Variants in COL5A2 observed in about 807,000 individuals in gnomAD.
COL5A2 encodes collagen type V alpha 2 chain.
In COL5A2, 23 loss-of-function variants were observed where a neutral mutation model predicts 208.2. That is an observed-to-expected ratio of 0.11 (90% confidence interval 0.08 to 0.16). The LOEUF is 0.16. Among genes scored for constraint, COL5A2 ranks in the 10% least tolerant of loss-of-function variants. The pLI, the probability that COL5A2 is intolerant of heterozygous loss-of-function variation, is 1.00. For synonymous variants in COL5A2, 625 were observed against 628.5 expected (o/e 0.99, Z 0.08); for missense variants, 1,590 against 1,956.4 (o/e 0.81, Z 3.53).
chr2:189,354,453 C>T, the COL5A2 span, among the ~76,000 whole-genome samples: 1 of 152,132 alleles, frequency 6.6e-6, no homozygotes, highest in Non-Finnish European at 1.5e-5. Context: ...GCCTCAATTT[C>T]AGAACTTGTT....
In COL5A2 at chr2:189,066,551, T is replaced by C; in HGVS notation, c.1456-54A>G. The stretch of plus-strand genomic sequence containing the variant: ...AAAGACCCATCCAACCAGTGAATTA[T>C]AGTTGGAAGCCTAATTTAACGAAGT... On this transcript the variant is annotated intron_variant, in intron 22 of 53. Coordinates refer to ENST00000374866, the MANE Select transcript of COL5A2 (RefSeq NM_000393.5). 9 of 1,564,810 alleles carry C rather than the reference T, an allele frequency of 5.8e-6. No individual in the cohort carries two copies. The South Asian group carries it at 7.8e-5, about 14-fold the overall frequency.
intron 1 of COL5A2, among the ~76,000 whole-genome samples, chr2:189,167,601 C>T (rs1688490792): frequency 6.6e-6 from 1 of 151,200 alleles, no homozygotes; most frequent in South Asian, 2.1e-4. Context: ...AAAAAACTTG[C>T]CTAATCTCAT....
At chr2:189,392,083 G>A in the COL5A2 span, among the ~76,000 whole-genome samples, 1 of 152,010 alleles carries the variant, frequency 6.6e-6, no homozygotes, top group Non-Finnish European at 1.5e-5. Flanking sequence ...AACAATTTGA[G>A]CAATGTTAAT....
At chr2:189,066,260 T>G (rs887530104) in intron 23 of COL5A2, 130 bp downstream of exon 23, 2 of 883,324 alleles carry the variant, frequency 2.3e-6, no homozygotes, top group Non-Finnish European at 3.8e-6. Context: ...TATTTGCACA[T>G]AACTGTACTG....
intron 1 of COL5A2, among the ~76,000 whole-genome samples, chr2:189,160,753 T>G (rs1021292613): frequency 4.6e-5 from 7 of 152,138 alleles, no homozygotes; most frequent in African/African-American, 1.7e-4. Flanking sequence ...AGTTGTAGTT[T>G]TCTGCAAAAC....
intron 1 of COL5A2, among the ~76,000 whole-genome samples, chr2:189,177,380 A>T (rs763903098): frequency 6.2e-4 from 94 of 152,246 alleles, no homozygotes; most frequent in Non-Finnish European, 1.6e-4. Context: ...AAAAGAAAGT[A>T]TTGCCAAGTA....
chr2:189,420,088 G>C, the COL5A2 span, among the ~76,000 whole-genome samples: 1 of 95,986 alleles, frequency 1.0e-5, no homozygotes. Context: ...GAGGGAGAAG[G>C]AAGGAAGGAA....
the COL5A2 span, among the ~76,000 whole-genome samples, chr2:189,430,655 C>T: frequency 6.6e-6 from 1 of 150,992 alleles, no homozygotes; most frequent in Non-Finnish European, 1.5e-5. Context: ...ATTGCTGAGG[C>T]TTGAGTAGGT....
the COL5A2 span, among the ~76,000 whole-genome samples, chr2:189,378,618 G>A: frequency 6.6e-6 from 1 of 151,984 alleles, no homozygotes; most frequent in Non-Finnish European, 1.5e-5. Context: ...CAGCTACTCG[G>A]GAGGCTGAGG....
chr2:189,341,048 A>C, the COL5A2 span, among the ~76,000 whole-genome samples: 11 of 152,210 alleles, frequency 7.2e-5, no homozygotes, highest in Non-Finnish European at 1.0e-4. Context: ...GTGTAAAATA[A>C]GTTTCTATCT....
intron 1 of COL5A2, among the ~76,000 whole-genome samples, chr2:189,143,490 A>G (rs1687975200): frequency 1.3e-5 from 2 of 152,160 alleles, no homozygotes; most frequent in African/African-American, 4.8e-5. Context: ...GCCTAACTTA[A>G]TCCCATCCTA....
At chr2:189,205,330 G>C (rs1181691041) in intron 1 of COL5A2, among the ~76,000 whole-genome samples, 1 of 152,176 alleles carries the variant, frequency 6.6e-6, no homozygotes, top group Non-Finnish European at 1.5e-5. Context: ...CAGACATTTA[G>C]TCCTGGAGAT....
At position 189,042,855 on chromosome 2, in the gene COL5A2, C is replaced by T. The variant is rs1480710178; in HGVS notation, c.3472-82G>A. 2.2e-6 allele frequency: 3 copies of T among 1,344,106 alleles called. No individual in the cohort carries two copies. In the African/African-American group the frequency reaches 4.3e-5, roughly 19 times the overall value. 83.3% of individuals were successfully genotyped at this position (1,344,106 alleles called of 1,614,324 possible). A position where few individuals can be genotyped will look rare whatever the true frequency, so the allele number is the denominator to read the frequency against. The stretch of plus-strand genomic sequence containing the variant: ...ATTCTCAAAAATGTGCTATCATTGA[C>T]TTTAGCAGCATGAACTACTTTGATA... On this transcript the variant is annotated intron_variant, in intron 48 of 53. Transcript: ENST00000374866.
the COL5A2 span, among the ~76,000 whole-genome samples, chr2:189,318,380 C>T: frequency 2.0e-5 from 3 of 152,216 alleles, no homozygotes; most frequent in Non-Finnish European, 4.4e-5. Flanking sequence ...CCTTCTCTTG[C>T]CTCACTTTAG....
chr2:189,356,004 G>A, the COL5A2 span, among the ~76,000 whole-genome samples: 1 of 152,062 alleles, frequency 6.6e-6, no homozygotes, highest in Non-Finnish European at 1.5e-5. Flanking sequence ...TTTGCTTGTG[G>A]GTAAGGGATT....
chr2:189,066,187 A>G (rs1316832616), intron 23 of COL5A2, among the ~76,000 whole-genome samples: 1 of 152,252 alleles, frequency 6.6e-6, no homozygotes, highest in African/African-American at 2.4e-5. Flanking sequence ...AAATTGGCAT[A>G]GACTAGTGAT....
intron 1 of COL5A2, among the ~76,000 whole-genome samples, chr2:189,172,518 A>G (rs1259774578): frequency 6.6e-6 from 1 of 152,214 alleles, no homozygotes; most frequent in African/African-American, 2.4e-5. Flanking sequence ...ATCAGATGAC[A>G]AAGGTGCATA....
At chr2:189,080,060 G>GTATTTT in intron 13 of COL5A2, 29 bp from the exon 14 acceptor site, 1 of 1,587,322 alleles carries the variant, frequency 6.3e-7, no homozygotes, top group East Asian at 2.2e-5. Context: ...ATTTGTATTT[G>GTATTTT]TATCCTGTTT....
At chr2:189,188,575 G>A (rs1431862237) in intron 1 of COL5A2, among the ~76,000 whole-genome samples, 2 of 152,214 alleles carry the variant, frequency 1.3e-5, no homozygotes, top group Non-Finnish European at 2.9e-5. Flanking sequence ...GAGTCCATGA[G>A]TCAAGGCTTC....
Sources: gnomAD v4.1 joint callset for allele counts (sites outside exome capture counted in the v4.1 genomes callset) on GRCh38, gnomAD v4.1.1 for gene constraint, MANE v1.5 for transcripts, NCBI Gene and HGNC (gene_info 2026-07-23, HGNC 2026-07-21) for gene names.